Variants in BCOR observed in about 807,000 individuals in gnomAD.
BCOR encodes the protein BCL-6 corepressor.
Under a neutral mutation model 86.7 loss-of-function variants are expected in BCOR, and 10 were observed. The ratio of observed to expected loss-of-function variants is 0.12; its 90% CI spans 0.07 to 0.20. The LOEUF (loss-of-function observed/expected upper bound fraction) is 0.20, where lower values mean the gene tolerates loss of function less well. Among genes scored for constraint, BCOR ranks in the 10% least tolerant of loss-of-function variants. The probability of loss-of-function intolerance (pLI) is 1.00; values close to 1 mark genes in which losing one functional copy is unlikely to be tolerated. For missense variants in BCOR, 1,259 were observed against 1,452.1 expected (o/e 0.87, Z 2.16); for synonymous variants, 611 against 609.0 (o/e 1.00, Z -0.05).
Position 40,080,501 on chromosome X carries a change from A to G in BCOR, c.-40-2532T>C, listed in dbSNP as rs145889635. On this transcript the variant is annotated intron_variant, in intron 1 of 14. Coordinates refer to ENST00000378444, the MANE Select transcript of BCOR (RefSeq NM_001123385.2). Reference sequence around the variant, plus strand: ...CCTCCCTTAAGTAGACACCTTGTGCAAAGGACCTCCCGGCACCTTCTTGGG... The same window carrying G: ...CCTCCCTTAAGTAGACACCTTGTGCGAAGGACCTCCCGGCACCTTCTTGGG... 5.1e-3 allele frequency among the ~76,000 whole-genome samples: 569 copies of G among 111,414 alleles called. 2 individuals carry two copies. Among genetic ancestry groups the G allele is most frequent in the Middle Eastern group, 0.033 (7 of 214 alleles).
chrX:40,171,751 G>GGA (rs1938625659), intron 1 of BCOR, among the ~76,000 whole-genome samples: 1 of 113,157 alleles, frequency 8.8e-6, no homozygotes, highest in African/African-American at 3.2e-5. Context: ...CCAGCCCTGT[G>GGA]GAAAGGAGGA....
intron 3 of BCOR, 134 bp from the exon 4 acceptor site, chrX:40,075,314 G>C (rs1179005760): frequency 2.1e-6 from 1 of 480,047 alleles, no homozygotes; most frequent in Non-Finnish European, 3.4e-6. Context: ...GGCTTCCGGC[G>C]GGGCGGGGGT....
chrX:40,118,738 C>G (rs1326623739), intron 1 of BCOR, among the ~76,000 whole-genome samples: 4 of 112,511 alleles, frequency 3.6e-5, no homozygotes, highest in East Asian at 2.8e-4. Context: ...CTCCACTGAC[C>G]CCCTAGTTCC....
chrX:40,169,684 T>C (rs1938579575), intron 1 of BCOR, among the ~76,000 whole-genome samples: 1 of 109,510 alleles, frequency 9.1e-6, no homozygotes, highest in Non-Finnish European at 1.9e-5. Context: ...GGAGCTGGCG[T>C]TGGGGCTTTT....
intron 10 of BCOR, among the ~76,000 whole-genome samples, chrX:40,059,225 A>G (rs1376449209): frequency 8.9e-6 from 1 of 112,128 alleles, no homozygotes; most frequent in East Asian, 2.8e-4. Context: ...TGGCCACCGT[A>G]ACACTTCTGA....
At chrX:40,096,092 G>A (rs961979203) in intron 1 of BCOR, among the ~76,000 whole-genome samples, 1 of 112,519 alleles carries the variant, frequency 8.9e-6, no homozygotes, top group African/African-American at 3.2e-5. Flanking sequence ...CTCCGAGCGC[G>A]GGCCCCGCGG....
intron 1 of BCOR, among the ~76,000 whole-genome samples, chrX:40,117,992 C>A (rs769043758): frequency 3.0e-5 from 3 of 101,318 alleles, no homozygotes; most frequent in Admixed American, 1.1e-4. Flanking sequence ...CCACCCCCCC[C>A]ACCCCTTTTC....
chrX:40,071,800 T>A, intron 4 of BCOR, 110 bp from the exon 5 acceptor site: 1 of 540,407 alleles, frequency 1.9e-6, no homozygotes, highest in South Asian at 2.8e-5. Context: ...GCTTTATTCA[T>A]CTTTTAATTA....
At chrX:40,108,499 G>C (rs980811757) in intron 1 of BCOR, among the ~76,000 whole-genome samples, 16 of 113,533 alleles carry the variant, frequency 1.4e-4, no homozygotes, top group African/African-American at 4.8e-4. Context: ...AGCCTCCACC[G>C]GGGTTAGGAG....
intron 1 of BCOR, among the ~76,000 whole-genome samples, chrX:40,171,908 C>T (rs1178810443): frequency 8.9e-6 from 1 of 112,885 alleles, no homozygotes; most frequent in African/African-American, 3.2e-5. Context: ...GGCTGATGCG[C>T]TCTCTCCCTC....
At chrX:40,080,334 G>C (rs1211304112) in intron 1 of BCOR, among the ~76,000 whole-genome samples, 1 of 110,547 alleles carries the variant, frequency 9.0e-6, no homozygotes, top group Non-Finnish European at 1.9e-5. Context: ...CCAGCTACTC[G>C]GGAGGCTGAG....
rs149621463 is a variant in BCOR at position 40,073,712 on chromosome X, G to A, written c.1634C>T (p.Pro545Leu). The A allele has an allele frequency of 3.3e-6, 4 of 1,211,687 alleles. No individual in the cohort carries two copies. The highest frequency in any genetic ancestry group is 1.7e-5 in the African/African-American group (1 of 57,699). Residue 545 changes from proline (P) to leucine (L), a missense_variant, in exon 4 of 15, where the codon CCG becomes CTG. This residue lies in a region of BCOR where 534 missense variants were observed against 594.8 expected (regional missense o/e 0.90). Transcript: ENST00000378444. ...AIPQQRSSSC[P>L]RMGGTDAVIT... ...GACAGCATCGGTGCCGCCCATGCGC[G>A]GGCATGATGAACTCCGCTGCTGTGG...
Position 40,074,181 on chromosome X carries a change from A to G in BCOR, c.1165T>C (p.Ser389Pro), listed in dbSNP as rs749251208. 2 of 1,211,002 alleles carry G rather than the reference A, an allele frequency of 1.7e-6. No homozygotes were observed. Among genetic ancestry groups the G allele is most frequent in the Non-Finnish European group, 2.2e-6 (2 of 895,440 alleles). The change falls in exon 4 of 15, where the codon TCC becomes CCC. Residue 389 changes from serine to proline, a missense_variant. Physicochemically the swap from Ser to Pro is moderately conservative, Grantham distance 74. Transcript: ENST00000378444. Reference protein sequence around the residue: ...VSSEFPAARLSNGKYPKAPEG... With the variant: ...VSSEFPAARLPNGKYPKAPEG... Reference sequence around the variant, plus strand: ...GGAGCCTTGGGATACTTGCCATTGGAGAGCCTGGCCGCGGGGAACTCGCTG... The same window carrying G: ...GGAGCCTTGGGATACTTGCCATTGGGGAGCCTGGCCGCGGGGAACTCGCTG...
Position 40,072,760 on chromosome X carries a change from G to A in BCOR, c.2586C>T (p.Ile862=). ...FIALREELGR[I]SDFHETYTFK... ...AAGTATAAGTTTCGTGGAAGTCACT[G>A]ATGCGCCCCAACTCCTCTCTCAGGG... is the stretch of plus-strand genomic sequence containing the variant. The change falls in exon 4 of 15, where the codon ATC becomes ATT. Residue 862 remains isoleucine (I), a synonymous_variant. Coordinates refer to ENST00000378444, the MANE Select transcript of BCOR (RefSeq NM_001123385.2). 8.3e-7 allele frequency: 1 copy of A among 1,211,856 alleles called. No homozygotes were observed. The highest frequency in any genetic ancestry group is 1.1e-6 in the Non-Finnish European group (1 of 895,568).
Position 40,076,506 on chromosome X carries a change from G to A in BCOR, c.113C>T (p.Ala38Val). ...DRKILVNDGD[A>V]SKARLELREE... Reference sequence around the variant, plus strand: ...CCTCAGTTCCAGTCTGGCTTTTGAAGCGTCACCATCATTTACAAGGATTTT... The same window carrying A: ...CCTCAGTTCCAGTCTGGCTTTTGAAACGTCACCATCATTTACAAGGATTTT... Residue 38 changes from alanine (A) to valine (V), a missense_variant, in exon 3 of 15, where the codon GCT (alanine) becomes GTT (valine). Around this residue, in one of 7 missense-constraint regions of BCOR, gnomAD observed 174 missense variants for 189.3 expected, o/e 0.92. Transcript: ENST00000378444. The A allele has an allele frequency of 8.3e-7, 1 of 1,206,128 alleles. No individual in the cohort carries two copies. The highest frequency in any genetic ancestry group is 1.1e-6 in the Non-Finnish European group (1 of 890,590).
chrX:40,080,815 CGTGTGTG>C (rs1936049970), intron 1 of BCOR, among the ~76,000 whole-genome samples: 1 of 65,996 alleles, frequency 1.5e-5, no homozygotes, highest in African/African-American at 5.0e-5. Context: ...GGTTCACTGT[CGTGTGTG>C]TGTGTGTGTG....
intron 1 of BCOR, among the ~76,000 whole-genome samples, chrX:40,111,983 C>T (rs1279727114): frequency 1.8e-5 from 2 of 110,739 alleles, no homozygotes; most frequent in Non-Finnish European, 3.8e-5. Flanking sequence ...TCCTCCCTGG[C>T]CATTCTGCAG....
At chrX:40,143,331 C>G (rs780350704) in intron 1 of BCOR, among the ~76,000 whole-genome samples, 1 of 112,098 alleles carries the variant, frequency 8.9e-6, no homozygotes, top group Non-Finnish European at 1.9e-5. Context: ...CTAGCCCACA[C>G]GAGTTGAAAT....
intron 10 of BCOR, among the ~76,000 whole-genome samples, chrX:40,060,828 T>C (rs1275670805): frequency 1.8e-5 from 2 of 112,927 alleles, no homozygotes; most frequent in African/African-American, 6.4e-5. Flanking sequence ...CTGGTATGAA[T>C]AGACAAAGTC....
Sources: gnomAD v4.1 joint callset for allele counts (sites outside exome capture counted in the v4.1 genomes callset) on GRCh38, gnomAD v4.1.1 for gene constraint, gnomAD v4.1.1 regional missense constraint, MANE v1.5 for transcripts, NCBI Gene and HGNC (gene_info 2026-07-23, HGNC 2026-07-21) for gene names.